PTPRE: variants seen among roughly 807,000 people sequenced by gnomAD.
PTPRE encodes receptor-type tyrosine-protein phosphatase epsilon.
A neutral mutation model predicts 102.0 loss-of-function variants in PTPRE; 51 were observed. The ratio of observed to expected loss-of-function variants is 0.50; its 90% CI spans 0.40 to 0.63. The LOEUF is 0.63. PTPRE is among the 30% of genes least tolerant of loss of function. The probability of loss-of-function intolerance (pLI) is 0.00; values close to 1 mark genes in which losing one functional copy is unlikely to be tolerated. For synonymous variants in PTPRE, 345 were observed against 348.2 expected (o/e 0.99, Z 0.10); for missense variants, 752 against 915.1 (o/e 0.82, Z 2.30).
At chr10:128,032,470 A>C (rs919401929) in intron 2 of PTPRE, among the ~76,000 whole-genome samples, 3 of 151,976 alleles carry the variant, frequency 2.0e-5, no homozygotes, top group Non-Finnish European at 2.9e-5. Context: ...ATCATGACTA[A>C]ATCCGGAAGA....
At position 127,998,836 on chromosome 10, in the gene PTPRE, A is replaced by G. The variant is rs187461492; in HGVS notation, c.-8+16540A>G. 1.4e-4 allele frequency: 21 copies of G among 152,286 alleles called. No homozygotes were observed. In the South Asian group the frequency reaches 1.5e-3, roughly 11 times the overall value. The allele number at this position is 152,286 out of a possible 1,614,324, so 9.4% of individuals were successfully genotyped here. A position where few individuals can be genotyped will look rare whatever the true frequency, so the allele number is the denominator to read the frequency against. On this transcript the variant is annotated intron_variant, in intron 2 of 20. Transcript: ENST00000254667. ...TCAACCCATACAATGTGAAAAAAAA[A>G]GAAGCTATGTGAAAAAATATTCCCC...
chr10:127,976,833 G>A (rs1308511470), intron 1 of PTPRE, among the ~76,000 whole-genome samples: 2 of 152,290 alleles, frequency 1.3e-5, no homozygotes, highest in African/African-American at 4.8e-5. Flanking sequence ...AGGAAGCTGT[G>A]AGTATGATAT....
intron 6 of PTPRE, among the ~76,000 whole-genome samples, chr10:128,050,254 A>G: frequency 6.7e-6 from 1 of 149,400 alleles, no homozygotes; most frequent in East Asian, 2.0e-4. Flanking sequence ...GGATGGATGG[A>G]TGGATGATGG....
At chr10:128,018,859 GTC>G (rs553761438) in intron 2 of PTPRE, among the ~76,000 whole-genome samples, 1 of 146,048 alleles carries the variant, frequency 6.8e-6, no homozygotes, top group Admixed American at 6.9e-5. Flanking sequence ...CTGCATCTCT[GTC>G]TCTCTCTCTC....
chr10:128,041,117 T>C (rs1019811836), intron 3 of PTPRE, 127 bp downstream of exon 3: 8 of 794,204 alleles, frequency 1.0e-5, no homozygotes, highest in African/African-American at 3.5e-5. Flanking sequence ...AGTGTGCTTT[T>C]AATAGTTTGT....
intron 1 of PTPRE, among the ~76,000 whole-genome samples, chr10:127,949,533 C>T (rs988345296): frequency 1.3e-5 from 2 of 152,144 alleles, no homozygotes; most frequent in African/African-American, 4.8e-5. Context: ...CCTAATTCAC[C>T]ACTTATAAAA....
intron 1 of PTPRE, among the ~76,000 whole-genome samples, chr10:127,940,561 C>T (rs1241932400): frequency 7.0e-6 from 1 of 143,626 alleles, no homozygotes; most frequent in East Asian, 2.1e-4. Context: ...TTCCTTCCTT[C>T]ATCAGGTGTT....
intron 3 of PTPRE, among the ~76,000 whole-genome samples, chr10:128,045,286 C>T (rs1847998954): frequency 6.6e-6 from 1 of 152,262 alleles, no homozygotes. Context: ...TGACCGCAGC[C>T]TTCACTACAG....
intron 3 of PTPRE, among the ~76,000 whole-genome samples, chr10:128,043,437 G>A (rs538022901): frequency 6.4e-4 from 97 of 152,306 alleles, no homozygotes; most frequent in Non-Finnish European, 1.2e-3. Flanking sequence ...GATCTGACGG[G>A]GGGCGGCGCT....
chr10:127,949,616 A>G (rs1344986589), intron 1 of PTPRE, among the ~76,000 whole-genome samples: 1 of 152,208 alleles, frequency 6.6e-6, no homozygotes, highest in Admixed American at 6.5e-5. Context: ...TGCCACGTTC[A>G]TTGGTTGCTC....
intron 2 of PTPRE, among the ~76,000 whole-genome samples, chr10:128,033,183 G>C (rs1354152499): frequency 6.6e-6 from 1 of 152,152 alleles, no homozygotes; most frequent in South Asian, 2.1e-4. Flanking sequence ...TTTGCAAACT[G>C]CTAACAAAGC....
At chr10:127,995,007 C>T (rs1475474818) in intron 2 of PTPRE, among the ~76,000 whole-genome samples, 6 of 152,170 alleles carry the variant, frequency 3.9e-5, no homozygotes, top group Non-Finnish European at 8.8e-5. Context: ...CTGGGAGATG[C>T]GTTCTAAGGT....
chr10:128,041,056 G>T, intron 3 of PTPRE, 66 bp downstream of exon 3: 1 of 1,323,348 alleles, frequency 7.6e-7, no homozygotes, highest in Non-Finnish European at 1.1e-6. Flanking sequence ...ACCATTCAGA[G>T]GGTGATAAAG....
At chr10:128,075,990 G>A (rs751065015) in intron 17 of PTPRE, among the ~76,000 whole-genome samples, 29 of 152,258 alleles carry the variant, frequency 1.9e-4, no homozygotes, top group South Asian at 6.2e-4. Flanking sequence ...AATCTGTGGC[G>A]TGTCTTTTCA....
chr10:127,971,704 C>T (rs7085201), intron 1 of PTPRE, among the ~76,000 whole-genome samples: 22,403 of 152,198 alleles, frequency 0.15, 2,222 homozygotes, highest in African/African-American at 0.27. Context: ...TTAGTTTAAA[C>T]GGAAGGAGGT....
chr10:128,023,460 T>G, intron 2 of PTPRE, among the ~76,000 whole-genome samples: 1 of 152,156 alleles, frequency 6.6e-6, no homozygotes, highest in East Asian at 1.9e-4. Flanking sequence ...CAAGATACTT[T>G]GAGAGAGAAG....
At chr10:128,047,704 C>T (rs373859018) in intron 4 of PTPRE, 60 bp from the exon 5 acceptor site, 14 of 1,613,964 alleles carry the variant, frequency 8.7e-6, no homozygotes, top group Middle Eastern at 3.3e-4. Flanking sequence ...CTGTGCCGAG[C>T]GCTGTTGGCT....
In PTPRE at chr10:128,008,554, C is replaced by T. The variant is rs1381356143; in HGVS notation, c.-8+26258C>T. On this transcript the variant is annotated intron_variant, in intron 2 of 20. Coordinates refer to ENST00000254667, the MANE Select transcript of PTPRE (RefSeq NM_006504.6). The surrounding 1 kb of genome is among the most constrained non-coding windows in gnomAD (Gnocchi z 4.0). ...ACTCTGGAGTTGGGGGTGGTATTTC[C>T]TGGGAGACAGCCAGCCTGGGCTAGT... is the stretch of plus-strand genomic sequence containing the variant. Among the ~76,000 whole-genome samples the T allele has an allele frequency of 6.6e-6, 1 of 152,130 alleles. No homozygotes were observed. Among genetic ancestry groups the T allele is most frequent in the Non-Finnish European group, 1.5e-5 (1 of 68,018 alleles).
intron 1 of PTPRE, among the ~76,000 whole-genome samples, chr10:127,941,943 G>T (rs1242789377): frequency 6.6e-6 from 1 of 152,198 alleles, no homozygotes; most frequent in African/African-American, 2.4e-5. Flanking sequence ...GATCTCATCA[G>T]TGTGGCCCAG....
Sources: allele counts gnomAD v4.1 joint callset (sites outside exome capture counted in the v4.1 genomes callset), GRCh38; gene constraint gnomAD v4.1.1; non-coding constraint Gnocchi (gnomAD v3.1); transcripts MANE v1.5; gene names NCBI Gene and HGNC (gene_info 2026-07-23, HGNC 2026-07-21).